The following HS3ST5 variants were observed in gnomAD, a reference collection of about 807,000 sequenced individuals.
The protein encoded by HS3ST5 is heparan sulfate-glucosamine 3-sulfotransferase 5.
A neutral mutation model predicts 25.4 loss-of-function variants in HS3ST5; 10 were observed. The ratio of observed to expected loss-of-function variants is 0.39; its 90% CI spans 0.24 to 0.67. The LOEUF is 0.67. Ranked by LOEUF, HS3ST5 falls within the 30% of genes least tolerant of loss-of-function variation. The pLI is 0.44. For synonymous variants in HS3ST5, 170 were observed against 162.4 expected (o/e 1.05, Z -0.36); for missense variants, 324 against 420.7 (o/e 0.77, Z 2.01).
chr6:114,059,716 A>ATT (rs907719968), intron 4 of HS3ST5: 1 of 152,168 alleles, frequency 6.6e-6, no homozygotes, highest in Non-Finnish European at 1.5e-5. Flanking sequence ...TTCTGCCATG[A>ATT]TTGTAAGTTT....
rs1776928298 is a variant in HS3ST5 at position 114,342,482 on chromosome 6, G to A, written c.-626C>T. 1 of 180,394 alleles carries A rather than the reference G, an allele frequency of 5.5e-6. No individual in the cohort carries two copies. The allele number at this position is 180,394 out of a possible 1,614,324, so 11.2% of individuals were successfully genotyped here. Reference sequence around the variant, plus strand: ...GGCGGGGAGCCGGGCGGGGGGGCAGGCGGGCGAGAAGTAGTGGAGTTTAGG... The same window carrying A: ...GGCGGGGAGCCGGGCGGGGGGGCAGACGGGCGAGAAGTAGTGGAGTTTAGG... On this transcript the variant is annotated 5_prime_UTR_variant, in exon 1 of 5. Coordinates refer to ENST00000312719, the MANE Select transcript of HS3ST5 (RefSeq NM_153612.4).
chr6:114,202,517 C>T (rs1463108989), intron 2 of HS3ST5, among the ~76,000 whole-genome samples: 2 of 152,082 alleles, frequency 1.3e-5, no homozygotes, highest in Non-Finnish European at 1.5e-5. Context: ...ACAAATTAAA[C>T]AAGTGGAGTT....
At chr6:114,077,666 A>T (rs777179137) in intron 3 of HS3ST5, among the ~76,000 whole-genome samples, 1 of 152,174 alleles carries the variant, frequency 6.6e-6, no homozygotes, top group Non-Finnish European at 1.5e-5. Flanking sequence ...TTTTATAGTA[A>T]TATTAGTTCT....
chr6:114,123,166 T>C (rs1776875123), intron 3 of HS3ST5, among the ~76,000 whole-genome samples: 2 of 152,328 alleles, frequency 1.3e-5, no homozygotes, highest in African/African-American at 4.8e-5. Flanking sequence ...TTGGTCAGGC[T>C]GGTCTAAAAC....
chr6:114,069,271 C>A (rs1048888919), intron 3 of HS3ST5, among the ~76,000 whole-genome samples: 10 of 152,044 alleles, frequency 6.6e-5, no homozygotes, highest in African/African-American at 2.4e-4. Flanking sequence ...ACAGGAACTA[C>A]ATTTATTGAA....
intron 1 of HS3ST5, among the ~76,000 whole-genome samples, chr6:114,334,462 T>G (rs1051388898): frequency 6.6e-6 from 1 of 152,212 alleles, no homozygotes; most frequent in South Asian, 2.1e-4. Context: ...CTACAGAGTG[T>G]GAGTGCAACT....
intron 2 of HS3ST5, among the ~76,000 whole-genome samples, chr6:114,185,986 T>C (rs1780199712): frequency 6.6e-6 from 1 of 152,132 alleles, no homozygotes; most frequent in South Asian, 2.1e-4. Context: ...TGTAATTATT[T>C]TGGGGAACCA....
chr6:114,123,030 G>T (rs886112424), intron 3 of HS3ST5, among the ~76,000 whole-genome samples: 10 of 152,156 alleles, frequency 6.6e-5, no homozygotes, highest in African/African-American at 2.4e-4. Flanking sequence ...TCAGCTCACC[G>T]CAAACTCCAC....
At chr6:114,126,864 A>G (rs1402124426) in intron 3 of HS3ST5, among the ~76,000 whole-genome samples, 1 of 152,224 alleles carries the variant, frequency 6.6e-6, no homozygotes, top group Non-Finnish European at 1.5e-5. Context: ...ACAGGAAGCC[A>G]TGAGCAGTGA....
At chr6:114,132,989 A>C (rs574777600) in intron 3 of HS3ST5, among the ~76,000 whole-genome samples, 2 of 152,042 alleles carry the variant, frequency 1.3e-5, no homozygotes, top group South Asian at 4.2e-4. Flanking sequence ...ATCCCCAACC[A>C]ACCCTCTGAT....
chr6:114,077,109 A>G (rs966542448), intron 3 of HS3ST5, among the ~76,000 whole-genome samples: 12 of 152,220 alleles, frequency 7.9e-5, no homozygotes, highest in African/African-American at 2.7e-4. Flanking sequence ...GCTTTCCATA[A>G]CAGGCATAGA....
At chr6:114,215,691 C>T (rs769501043) in intron 2 of HS3ST5, among the ~76,000 whole-genome samples, 4 of 152,152 alleles carry the variant, frequency 2.6e-5, no homozygotes, top group Non-Finnish European at 4.4e-5. Context: ...CCAGCAGACT[C>T]GGTGGTATAT....
At chr6:114,169,979 A>G (rs1202826952) in intron 2 of HS3ST5, among the ~76,000 whole-genome samples, 1 of 152,166 alleles carries the variant, frequency 6.6e-6, no homozygotes, top group Non-Finnish European at 1.5e-5. Context: ...GAATACAGGA[A>G]AGCAACAGAT....
At chr6:114,084,833 CTTTTTTTT>C (rs372362974) in intron 3 of HS3ST5, 2 of 503,792 alleles carry the variant, frequency 4.0e-6, no homozygotes, top group Non-Finnish European at 7.1e-6. Context: ...CTTTTCTTTT[CTTTTTTTT>C]TTTTTTTTTG....
At position 114,102,361 on chromosome 6, in the gene HS3ST5, C is replaced by T. The variant is rs557675194; in HGVS notation, c.-32-39484G>A. ...AGCTGGTTCCGGAATCTCTGTCATTCGGCACTGAAATGGGAGCTGATTTGT... is the reference window on the plus strand; with the variant it reads ...AGCTGGTTCCGGAATCTCTGTCATTTGGCACTGAAATGGGAGCTGATTTGT... On this transcript the variant is annotated intron_variant, in intron 3 of 4. Coordinates refer to ENST00000312719, the MANE Select transcript of HS3ST5 (RefSeq NM_153612.4). Among the ~76,000 whole-genome samples, 53 of 152,238 alleles carry T rather than the reference C, an allele frequency of 3.5e-4. 1 individual carries two copies. The highest frequency in any genetic ancestry group is 1.3e-3 in the African/African-American group (53 of 41,542).
At chr6:114,336,755 G>A (rs1451520786) in intron 1 of HS3ST5, among the ~76,000 whole-genome samples, 5 of 152,138 alleles carry the variant, frequency 3.3e-5, no homozygotes, top group South Asian at 2.1e-4. Context: ...ACACTCCAAT[G>A]AATACTTCAT....
intron 2 of HS3ST5, among the ~76,000 whole-genome samples, chr6:114,209,443 T>C (rs1315392578): frequency 6.6e-6 from 1 of 152,138 alleles, no homozygotes; most frequent in Non-Finnish European, 1.5e-5. Context: ...TTTTTTAAAG[T>C]TTCTTCTTCC....
intron 2 of HS3ST5, among the ~76,000 whole-genome samples, chr6:114,215,533 T>A (rs1781714259): frequency 6.6e-6 from 1 of 152,084 alleles, no homozygotes; most frequent in African/African-American, 2.4e-5. Flanking sequence ...TCTGCCCTTA[T>A]TGAGTCCCAC....
intron 1 of HS3ST5, among the ~76,000 whole-genome samples, chr6:114,308,706 C>T (rs1462322544): frequency 6.6e-6 from 1 of 152,150 alleles, no homozygotes; most frequent in African/African-American, 2.4e-5. Flanking sequence ...ATGCCTCTGA[C>T]CCCCTGAACT....
Sources: allele counts gnomAD v4.1 joint callset (sites outside exome capture counted in the v4.1 genomes callset), GRCh38; gene constraint gnomAD v4.1.1; transcripts MANE v1.5; gene names NCBI Gene and HGNC (gene_info 2026-07-23, HGNC 2026-07-21).